The following HPCAL1 variants were observed in gnomAD, a reference collection of about 807,000 sequenced individuals.
HPCAL1 encodes hippocalcin-like protein 1.
Under a neutral mutation model 17.1 loss-of-function variants are expected in HPCAL1, and 8 were observed. The observed-to-expected ratio is 0.47, with a 90% CI of 0.27 to 0.84. The LOEUF (loss-of-function observed/expected upper bound fraction) is 0.84. Among genes scored for constraint, HPCAL1 ranks in the 40% least tolerant of loss-of-function variants. The pLI is 0.13. For synonymous variants in HPCAL1, 112 were observed against 111.4 expected (o/e 1.01, Z -0.03); for missense variants, 165 against 271.1 (o/e 0.61, Z 2.75).
chr2:10,351,738 GAC>G, intron 1 of HPCAL1, among the ~76,000 whole-genome samples: 1 of 152,038 alleles, frequency 6.6e-6, no homozygotes, highest in Middle Eastern at 3.4e-3. Flanking sequence ...CAGCCTGGGT[GAC>G]AGAGCAACAC....
intron 1 of HPCAL1, among the ~76,000 whole-genome samples, chr2:10,349,253 A>AT (rs1665668649): frequency 6.6e-6 from 1 of 152,156 alleles, no homozygotes; most frequent in African/African-American, 2.4e-5. Flanking sequence ...CGTCTCAAAC[A>AT]TACTAAGAGG....
chr2:10,312,586 T>C (rs1203671711), intron 1 of HPCAL1, among the ~76,000 whole-genome samples: 2 of 149,670 alleles, frequency 1.3e-5, no homozygotes, highest in East Asian at 2.0e-4. Context: ...ATCATCACCA[T>C]CACTGTCATC....
chr2:10,406,692 G>T (rs1441123398), intron 2 of HPCAL1, among the ~76,000 whole-genome samples: 1 of 152,220 alleles, frequency 6.6e-6, no homozygotes, highest in African/African-American at 2.4e-5. Flanking sequence ...CCCTGGCACG[G>T]GTGCTGCGTG....
intron 1 of HPCAL1, among the ~76,000 whole-genome samples, chr2:10,385,677 A>T (rs1186206682): frequency 6.6e-6 from 1 of 151,954 alleles, no homozygotes; most frequent in African/African-American, 2.4e-5. Context: ...AGCCTTTTGG[A>T]TGTTTGTGGC....
In HPCAL1 at chr2:10,331,322, C is replaced by T. The variant is rs1359773365; in HGVS notation, c.-111+28145C>T. ...CCTTCCTGTCACCCGAGCGCCCTCT[C>T]CTTCCTCACCTCGCCACCTACGCAT... On this transcript the variant is annotated intron_variant, in intron 1 of 4. Coordinates refer to ENST00000307845, the MANE Select transcript of HPCAL1 (RefSeq NM_002149.4). This position sits in a 1 kb window ranked among gnomAD's most constrained non-coding sequence, Gnocchi z 5.0. 6.6e-6 allele frequency among the ~76,000 whole-genome samples: 1 copy of T among 152,188 alleles called. No individual in the cohort carries two copies. Among genetic ancestry groups the T allele is most frequent in the Non-Finnish European group, 1.5e-5 (1 of 68,034 alleles).
rs906386553 is a variant in HPCAL1 at position 10,342,440 on chromosome 2, G to A, written c.-111+39263G>A. The stretch of plus-strand genomic sequence containing the variant: ...CACATGTGCAGTCCGTGCCTCCAGC[G>A]CGCAGCCTGAAAGGGAGGCGTGCAG... On this transcript the variant is annotated intron_variant, in intron 1 of 4. Transcript: ENST00000307845. The surrounding 1 kb of genome is among the most constrained non-coding windows in gnomAD (Gnocchi z 4.1). Among the ~76,000 whole-genome samples, 5 of 150,930 alleles carry A rather than the reference G, an allele frequency of 3.3e-5. No homozygotes were observed. Among genetic ancestry groups the A allele is most frequent in the South Asian group, 2.1e-4 (1 of 4,722 alleles).
chr2:10,372,676 G>T (rs1558495450), intron 1 of HPCAL1, among the ~76,000 whole-genome samples: 1 of 152,220 alleles, frequency 6.6e-6, no homozygotes, highest in Non-Finnish European at 1.5e-5. Context: ...TGCCCGGAGG[G>T]TGGCGTGGGT....
intron 2 of HPCAL1, among the ~76,000 whole-genome samples, chr2:10,412,429 C>T (rs1466053855): frequency 2.0e-5 from 3 of 152,208 alleles, no homozygotes; most frequent in Non-Finnish European, 4.4e-5. Context: ...CCCTCTGGGG[C>T]CTCCAAGTCC....
Position 10,382,260 on chromosome 2 carries a change from A to G in HPCAL1, c.-110-14575A>G, listed in dbSNP as rs145650218. Among the ~76,000 whole-genome samples the G allele has an allele frequency of 4.2e-3, 634 of 152,316 alleles. 3 individuals are homozygous for G. Among genetic ancestry groups the G allele is most frequent in the Middle Eastern group, 0.014 (4 of 292 alleles). On this transcript the variant is annotated intron_variant, in intron 1 of 4. Transcript: ENST00000307845. ...AAGCGATGGAGATAATAAACAGATC[A>G]GTGGTTCCTACGGGTTAGGAGGGAG...
intron 1 of HPCAL1, among the ~76,000 whole-genome samples, chr2:10,353,580 T>TA (rs1489099194): frequency 1.3e-5 from 2 of 152,202 alleles, no homozygotes; most frequent in Non-Finnish European, 2.9e-5. Context: ...TTTTTTAAAT[T>TA]TTTTTGAGAC....
At chr2:10,426,381 G>A in intron 4 of HPCAL1, 1 of 261,676 alleles carries the variant, frequency 3.8e-6, no homozygotes, top group South Asian at 4.4e-5. Flanking sequence ...ATGGGTTAGA[G>A]GCAAATGCTT....
intron 2 of HPCAL1, among the ~76,000 whole-genome samples, chr2:10,402,884 C>T (rs1197983609): frequency 6.6e-6 from 1 of 152,164 alleles, no homozygotes; most frequent in African/African-American, 2.4e-5. Flanking sequence ...CTGCGCAAAA[C>T]CCCAGGGAGG....
intron 1 of HPCAL1, among the ~76,000 whole-genome samples, chr2:10,319,015 G>C (rs1321909073): frequency 6.6e-6 from 1 of 152,178 alleles, no homozygotes; most frequent in Non-Finnish European, 1.5e-5. Context: ...TTCGCAGGCT[G>C]CTTGTAATAG....
At position 10,316,172 on chromosome 2, in the gene HPCAL1, T is replaced by C. The variant is rs565148584; in HGVS notation, c.-111+12995T>C. On this transcript the variant is annotated intron_variant, in intron 1 of 4. Coordinates refer to ENST00000307845, the MANE Select transcript of HPCAL1 (RefSeq NM_002149.4). Reference sequence around the variant, plus strand: ...AGGAGCCATCTCGGCGCCTGCTGTTTGAACCTTGGGTATTTTAATGAAGTG... The same window carrying C: ...AGGAGCCATCTCGGCGCCTGCTGTTCGAACCTTGGGTATTTTAATGAAGTG... 2.0e-5 allele frequency among the ~76,000 whole-genome samples: 3 copies of C among 152,352 alleles called. No homozygotes were observed. The South Asian group carries it at 6.2e-4, about 32-fold the overall frequency.
chr2:10,311,233 C>T (rs1381478890), intron 1 of HPCAL1, among the ~76,000 whole-genome samples: 2 of 152,076 alleles, frequency 1.3e-5, no homozygotes, highest in African/African-American at 2.4e-5. Context: ...GTTTGGAGCC[C>T]GTGCTGGTGA....
intron 1 of HPCAL1, among the ~76,000 whole-genome samples, chr2:10,319,205 G>C (rs547266551): frequency 4.0e-4 from 61 of 152,210 alleles, no homozygotes; most frequent in Non-Finnish European, 7.3e-4. Context: ...GGAAATTTGA[G>C]TTCTGAGCCT....
intron 1 of HPCAL1, among the ~76,000 whole-genome samples, chr2:10,375,362 G>A (rs1667487664): frequency 1.3e-5 from 2 of 152,156 alleles, no homozygotes; most frequent in Admixed American, 6.5e-5. Context: ...CCTCCCACCT[G>A]GACACTCAGT....
At chr2:10,399,436 C>G (rs796698677) in intron 2 of HPCAL1, among the ~76,000 whole-genome samples, 1 of 76,614 alleles carries the variant, frequency 1.3e-5, no homozygotes, top group Non-Finnish European at 3.1e-5. Flanking sequence ...ACCACCACCA[C>G]CACCATCACC....
intron 1 of HPCAL1, among the ~76,000 whole-genome samples, chr2:10,383,023 G>A (rs374007882): frequency 7.9e-5 from 12 of 152,292 alleles, no homozygotes; most frequent in Middle Eastern, 3.4e-3. Context: ...TCCTCCTCTG[G>A]GAATGAGGCG....
Sources: allele counts gnomAD v4.1 joint callset (sites outside exome capture counted in the v4.1 genomes callset), GRCh38; gene constraint gnomAD v4.1.1; non-coding constraint Gnocchi (gnomAD v3.1); transcripts MANE v1.5; gene names NCBI Gene and HGNC (gene_info 2026-07-23, HGNC 2026-07-21).